Variants in TSPAN15 observed in about 807,000 individuals in gnomAD.
The protein encoded by TSPAN15 is tetraspanin-15.
TSPAN15 carries 20 observed loss-of-function variants against 34.5 expected under a neutral mutation model. The ratio of observed to expected loss-of-function variants is 0.58; its 90% confidence interval spans 0.41 to 0.84. The LOEUF (loss-of-function observed/expected upper bound fraction) is 0.84, where lower values mean the gene tolerates loss of function less well. Ranked by LOEUF, TSPAN15 falls within the 40% of genes least tolerant of loss-of-function variation. TSPAN15 has a pLI of 0.00. For synonymous variants in TSPAN15, 155 were observed against 153.9 expected, an observed-to-expected ratio of 1.01 and a Z score of -0.05; for missense variants, 313 against 386.1, an observed-to-expected ratio of 0.81 and a Z score of 1.59.
rs139867811 is a variant in TSPAN15, at chr10:69,477,705, G to C, written c.97-5986G>C. Reference sequence around the variant, plus strand: ...TCCGCTATTGTCGGCTTTGTATTTTGCAAAGGTGTTTCACACCCCTTTCCC... The same window carrying C: ...TCCGCTATTGTCGGCTTTGTATTTTCCAAAGGTGTTTCACACCCCTTTCCC... On this transcript the variant is annotated intron_variant, in intron 1 of 7. Transcript: ENST00000373290. Among the ~76,000 whole-genome samples, 1,156 of 152,268 alleles carry C rather than the reference G, an allele frequency of 7.6e-3. 35 individuals are homozygous for C. The highest frequency in any genetic ancestry group is 0.046 in the Admixed American group (698 of 15,284).
chr10:69,498,120 C>T (rs951653616), intron 4 of TSPAN15, among the ~76,000 whole-genome samples, 160 bp from the exon 5 acceptor site: 1 of 152,140 alleles, frequency 6.6e-6, no homozygotes, highest in African/African-American at 2.4e-5. Context: ...GGCAGCCATG[C>T]CACACTTTGA....
intron 1 of TSPAN15, among the ~76,000 whole-genome samples, chr10:69,477,337 A>G (rs1011403914): frequency 7.2e-5 from 11 of 151,992 alleles, no homozygotes; most frequent in Non-Finnish European, 1.2e-4. Flanking sequence ...GTTTCACCAT[A>G]TTGGGCAGGC....
At chr10:69,517,537 G>A in the TSPAN15 span, among the ~76,000 whole-genome samples, 2 of 152,220 alleles carry the variant, frequency 1.3e-5, no homozygotes, top group African/African-American at 4.8e-5. Context: ...GCAAAAGTGG[G>A]TCTCAGAAAC....
At chr10:69,531,951 C>CA in the TSPAN15 span, among the ~76,000 whole-genome samples, 24,792 of 144,730 alleles carry the variant, frequency 0.17, 2,486 homozygotes, top group East Asian at 0.29. Context: ...AAAAAAAAAA[C>CA]AAAAAAAAAA....
At chr10:69,465,602 A>G (rs1011282700) in intron 1 of TSPAN15, among the ~76,000 whole-genome samples, 1 of 152,174 alleles carries the variant, frequency 6.6e-6, no homozygotes, top group Non-Finnish European at 1.5e-5. Context: ...CAGCAACCTA[A>G]GAGACAGCGC....
chr10:69,527,451 T>A, the TSPAN15 span, among the ~76,000 whole-genome samples: 1 of 146,846 alleles, frequency 6.8e-6, no homozygotes, highest in Non-Finnish European at 1.5e-5. Flanking sequence ...CAAAATTAGC[T>A]GGGCGTGGTG....
chr10:69,500,938 G>T (rs1002856477), intron 5 of TSPAN15, among the ~76,000 whole-genome samples: 1 of 152,216 alleles, frequency 6.6e-6, no homozygotes, highest in African/African-American at 2.4e-5. Flanking sequence ...GAGCTGGGTG[G>T]TGGTGGTGGT....
In TSPAN15 at chr10:69,451,653, T is replaced by G. The variant is rs1353233137; in HGVS notation, c.59T>G (p.Leu20Arg). 6.5e-7 allele frequency: 1 copy of G among 1,547,472 alleles called. No individual in the cohort carries two copies. The highest frequency in any genetic ancestry group is 8.7e-7 in the Non-Finnish European group (1 of 1,145,432). Residue 20 changes from leucine to arginine, a missense_variant, in exon 1 of 8, where the codon CTC becomes CGC. Physicochemically the swap from Leu to Arg is moderately radical, Grantham distance 102. Coordinates refer to ENST00000373290, the MANE Select transcript of TSPAN15 (RefSeq NM_012339.5). ...TGCGCGCGCTTCTCCTACCTCTGGC[T>G]CAAGTTTTCACTTATCATCTATTCC... Reference protein sequence around the residue: ...RYCARFSYLWLKFSLIIYSTV... With the variant: ...RYCARFSYLWRKFSLIIYSTV...
chr10:69,462,450 T>G (rs1381895063), intron 1 of TSPAN15, among the ~76,000 whole-genome samples: 1 of 152,172 alleles, frequency 6.6e-6, no homozygotes, highest in Non-Finnish European at 1.5e-5. Context: ...TTCTCCTGCC[T>G]CAGCCTCCTG....
rs1564595385 is a variant in TSPAN15, at chr10:69,455,519, C to CTCTCT, written c.96+3829_96+3830insTCTCT. ...TTAGGTTGTTCCCAGTCTTTCTTTC[C>CTCTCT]CTCTCTTTCTTTCTCTTTCTTTCTT... On this transcript the variant is annotated intron_variant, in intron 1 of 7. Coordinates refer to ENST00000373290, the MANE Select transcript of TSPAN15 (RefSeq NM_012339.5). 5.0e-4 allele frequency among the ~76,000 whole-genome samples: 72 copies of CTCTCT among 142,762 alleles called. 2 individuals are homozygous for CTCTCT. The highest frequency in any genetic ancestry group is 3.6e-3 in the Middle Eastern group (1 of 274). 93.7% of individuals were successfully genotyped at this position (142,762 alleles called of 152,430 possible).
chr10:69,468,898 C>A (rs1841445983), intron 1 of TSPAN15, among the ~76,000 whole-genome samples: 1 of 152,226 alleles, frequency 6.6e-6, no homozygotes, highest in East Asian at 1.9e-4. Flanking sequence ...GCTCTTAAAA[C>A]CCTTGGAATT....
chr10:69,485,036 G>C (rs1445771385), intron 2 of TSPAN15, 105 bp from the exon 3 acceptor site: 32 of 1,107,868 alleles, frequency 2.9e-5, no homozygotes, highest in Non-Finnish European at 3.6e-5. Flanking sequence ...GCTCCCCGAG[G>C]GATGCTTCTC....
chr10:69,491,714 C>T (rs563736705), intron 3 of TSPAN15, among the ~76,000 whole-genome samples: 1 of 152,312 alleles, frequency 6.6e-6, no homozygotes, highest in East Asian at 1.9e-4. Context: ...GCAGGGCCTT[C>T]CCAGCCTCAG....
At position 69,506,567 on chromosome 10, in the gene TSPAN15, A is replaced by AGGAATCCCAGAAGGGAGGGGCCC. The variant is rs1842331102; in HGVS notation, c.736-261_736-239dup. 6.6e-6 allele frequency among the ~76,000 whole-genome samples: 1 copy of AGGAATCCCAGAAGGGAGGGGCCC among 152,184 alleles called. No homozygotes were observed. Among genetic ancestry groups the AGGAATCCCAGAAGGGAGGGGCCC allele is most frequent in the African/African-American group, 2.4e-5 (1 of 41,448 alleles). ...TGTGCAGCAGAGCTGGGGTGGAGGC[A>AGGAATCCCAGAAGGGAGGGGCCC]GGAATCCCAGAAGGGAGGGGCCCTT... On this transcript the variant is annotated intron_variant, in intron 7 of 7. Transcript: ENST00000373290. This position sits in a 1 kb window ranked among gnomAD's most constrained non-coding sequence, Gnocchi z 4.7.
intron 1 of TSPAN15, among the ~76,000 whole-genome samples, chr10:69,465,188 C>T (rs552290412): frequency 1.9e-4 from 29 of 152,240 alleles, no homozygotes; most frequent in Non-Finnish European, 3.2e-4. Context: ...GGCAGAGACA[C>T]TTAGCTTCGG....
In TSPAN15 at chr10:69,485,167, C is replaced by T. The variant is rs753070595; in HGVS notation, c.309C>T (p.Leu103=). The part of the protein sequence containing the change: ...QAFMYILGIC[L]IMELIGGVVA... ...TCATGTACATCCTTGGGATCTGCCT[C>T]ATCATGGAGCTCATTGGTGGCGTGG... The change falls in exon 3 of 8, where the codon CTC becomes CTT. Residue 103 remains leucine, a synonymous_variant. Coordinates refer to ENST00000373290, the MANE Select transcript of TSPAN15 (RefSeq NM_012339.5). The T allele has an allele frequency of 1.4e-5, 22 of 1,614,190 alleles. No homozygotes were observed. The highest frequency in any genetic ancestry group is 1.4e-5 in the Non-Finnish European group (17 of 1,180,030).
intron 5 of TSPAN15, among the ~76,000 whole-genome samples, chr10:69,501,199 G>C (rs1010526682): frequency 3.3e-5 from 5 of 152,198 alleles, no homozygotes; most frequent in African/African-American, 1.2e-4. Flanking sequence ...CATCCCATCA[G>C]GGGTGTCAAA....
intron 1 of TSPAN15, among the ~76,000 whole-genome samples, chr10:69,461,454 G>C (rs538398268): frequency 6.6e-6 from 1 of 152,302 alleles, no homozygotes; most frequent in East Asian, 1.9e-4. Flanking sequence ...CTGCCTGGGA[G>C]AGCAGGAACC....
chr10:69,531,401 C>G, the TSPAN15 span, among the ~76,000 whole-genome samples: 1 of 152,096 alleles, frequency 6.6e-6, no homozygotes, highest in East Asian at 1.9e-4. Context: ...CAGTTTGAGA[C>G]CAGCCTGGGC....
Sources: gnomAD v4.1 joint callset for allele counts (sites outside exome capture counted in the v4.1 genomes callset) on GRCh38, gnomAD v4.1.1 for gene constraint, Gnocchi (gnomAD v3.1) non-coding constraint, MANE v1.5 for transcripts, NCBI Gene and HGNC (gene_info 2026-07-23, HGNC 2026-07-21) for gene names.